Variants in FIGN observed in about 807,000 individuals in gnomAD.
The protein encoded by FIGN is fidgetin, microtubule severing factor.
Under a neutral mutation model 51.3 loss-of-function variants are expected in FIGN, and 11 were observed. The observed-to-expected ratio is 0.21, with a 90% CI of 0.13 to 0.35. The LOEUF is 0.35. FIGN is among the 10% of genes least tolerant of loss of function. FIGN has a pLI of 1.00. For synonymous variants in FIGN, 407 were observed against 363.2 expected (o/e 1.12, Z -1.37); for missense variants, 857 against 943.6 (o/e 0.91, Z 1.20).
At chr2:163,662,359 G>A (rs1486152715) in intron 2 of FIGN, among the ~76,000 whole-genome samples, 1 of 152,182 alleles carries the variant, frequency 6.6e-6, no homozygotes, top group African/African-American at 2.4e-5. Flanking sequence ...CTTGGCTGCT[G>A]TTAAAAGAAT....
At chr2:163,645,512 TG>T (rs1388711677) in intron 2 of FIGN, among the ~76,000 whole-genome samples, 1 of 152,178 alleles carries the variant, frequency 6.6e-6, no homozygotes, top group Non-Finnish European at 1.5e-5. Flanking sequence ...ACAGGTATTA[TG>T]GCTTCTGGGG....
intron 2 of FIGN, among the ~76,000 whole-genome samples, chr2:163,692,821 TA>T (rs1684258685): frequency 6.6e-6 from 1 of 152,210 alleles, no homozygotes; most frequent in African/African-American, 2.4e-5. Flanking sequence ...AAATGAAACC[TA>T]CGACCTCTGT....
At chr2:163,635,521 T>C (rs1386760982) in intron 2 of FIGN, among the ~76,000 whole-genome samples, 1 of 152,166 alleles carries the variant, frequency 6.6e-6, no homozygotes, top group Admixed American at 6.6e-5. Context: ...AGTGAGCTGA[T>C]TGTACTACTG....
At chr2:163,685,928 C>T (rs1352561410) in intron 2 of FIGN, among the ~76,000 whole-genome samples, 1 of 152,080 alleles carries the variant, frequency 6.6e-6, no homozygotes, top group African/African-American at 2.4e-5. Flanking sequence ...CTGAAGACAA[C>T]AATAAATTTT....
In FIGN at chr2:163,609,366, C is replaced by G. The variant is rs565969325; in HGVS notation, c.*186G>C. On this transcript the variant is annotated 3_prime_UTR_variant, in exon 3 of 3. Transcript: ENST00000333129. ...TTTCTGTCATCTGGGGCTTTCAAAT[C>G]AGAAGCTCTCATTTGATGCACTTTT... 92 of 599,324 alleles carry G rather than the reference C, an allele frequency of 1.5e-4. No homozygotes were observed. The Middle Eastern group carries it at 2.6e-3, about 17-fold the overall frequency. 37.1% of individuals were successfully genotyped at this position (599,324 alleles called of 1,614,324 possible).
intron 2 of FIGN, among the ~76,000 whole-genome samples, chr2:163,690,062 TG>T (rs1353497603): frequency 6.6e-6 from 1 of 152,154 alleles, no homozygotes; most frequent in Non-Finnish European, 1.5e-5. Context: ...CCCCCTCAAT[TG>T]TTAAGATACA....
At chr2:163,680,592 A>G (rs975192499) in intron 2 of FIGN, among the ~76,000 whole-genome samples, 2 of 152,064 alleles carry the variant, frequency 1.3e-5, no homozygotes, top group African/African-American at 4.8e-5. Flanking sequence ...TAGTGCTTCC[A>G]TCCTTTTGTT....
intron 2 of FIGN, among the ~76,000 whole-genome samples, chr2:163,698,546 G>A (rs552146047): frequency 2.0e-5 from 3 of 152,086 alleles, no homozygotes; most frequent in Admixed American, 6.5e-5. Flanking sequence ...GAAGTCTCCC[G>A]CCCTGTCACC....
In FIGN at chr2:163,660,820, C is replaced by T. The variant is rs375791742; in HGVS notation, c.26-49014G>A. Reference sequence around the variant, plus strand: ...ATAGATATACATATATATACATATACATATATATGTATACATATATACATA... The same window carrying T: ...ATAGATATACATATATATACATATATATATATATGTATACATATATACATA... On this transcript the variant is annotated intron_variant, in intron 2 of 2. Transcript: ENST00000333129. Among the ~76,000 whole-genome samples the T allele has an allele frequency of 1.2e-3, 50 of 40,458 alleles. 15 individuals are homozygous for T. Among genetic ancestry groups the T allele is most frequent in the Non-Finnish European group, 1.6e-3 (32 of 20,584 alleles). 26.5% of individuals were successfully genotyped at this position (40,458 alleles called of 152,430 possible).
intron 2 of FIGN, among the ~76,000 whole-genome samples, chr2:163,706,791 G>A (rs1684506118): frequency 6.6e-6 from 1 of 152,068 alleles, no homozygotes; most frequent in Non-Finnish European, 1.5e-5. Flanking sequence ...CTTGTTGGCT[G>A]AAATTCTGAC....
chr2:163,662,398 GT>G (rs1194455316), intron 2 of FIGN, among the ~76,000 whole-genome samples: 4 of 152,186 alleles, frequency 2.6e-5, no homozygotes, highest in African/African-American at 9.7e-5. Context: ...CAGCATAAAA[GT>G]TCAGAAAATT....
chr2:163,623,840 CT>C (rs553951319), intron 2 of FIGN, among the ~76,000 whole-genome samples: 192 of 152,108 alleles, frequency 1.3e-3, no homozygotes, highest in African/African-American at 4.4e-3. Context: ...TCATATTTTA[CT>C]TTAGAAATTA....
intron 2 of FIGN, among the ~76,000 whole-genome samples, chr2:163,691,228 C>A (rs1573953350): frequency 6.6e-6 from 1 of 152,160 alleles, no homozygotes; most frequent in East Asian, 1.9e-4. Context: ...AAAACACAGA[C>A]TGCACACTGT....
At chr2:163,669,834 A>G (rs1683847034) in intron 2 of FIGN, among the ~76,000 whole-genome samples, 1 of 152,122 alleles carries the variant, frequency 6.6e-6, no homozygotes, top group South Asian at 2.1e-4. Flanking sequence ...TTCTCTTCTA[A>G]TTGCTGAGGA....
At position 163,604,298 on chromosome 2, in the gene FIGN, C is replaced by T. The variant is rs2105293933; in HGVS notation, c.*5254G>A. 1 of 152,190 alleles carries T rather than the reference C, an allele frequency of 6.6e-6. No individual in the cohort carries two copies. The highest frequency in any genetic ancestry group is 1.9e-4 in the East Asian group (1 of 5,184). The allele number at this position is 152,190 out of a possible 1,614,324, so 9.4% of individuals were successfully genotyped here. A position where few individuals can be genotyped will look rare whatever the true frequency, so the allele number is the denominator to read the frequency against. On this transcript the variant is annotated 3_prime_UTR_variant, in exon 3 of 3. Coordinates refer to ENST00000333129, the MANE Select transcript of FIGN (RefSeq NM_018086.4). ...AGTGTAAAATACTTGGGAATGCTAA[C>T]ACATTTCTCAGAGATGGGCACATAG... is the stretch of plus-strand genomic sequence containing the variant.
intron 2 of FIGN, among the ~76,000 whole-genome samples, chr2:163,613,230 C>T (rs1038237449): frequency 3.3e-5 from 5 of 151,892 alleles, no homozygotes; most frequent in African/African-American, 1.2e-4. Flanking sequence ...TGGTTTAACA[C>T]TTCCTATTCT....
intron 2 of FIGN, chr2:163,617,347 T>A: frequency 2.1e-6 from 1 of 480,944 alleles, no homozygotes; most frequent in Non-Finnish European, 2.7e-6. Flanking sequence ...AAAGATGAAC[T>A]ATGTACAAAG....
chr2:163,652,343 A>AAC (rs1386023406), intron 2 of FIGN, among the ~76,000 whole-genome samples: 1 of 80,846 alleles, frequency 1.2e-5, no homozygotes, highest in African/African-American at 6.3e-5. Flanking sequence ...TCCATTAACC[A>AAC]ACACACACAC....
chr2:163,629,602 C>A (rs540181637), intron 2 of FIGN, among the ~76,000 whole-genome samples: 92 of 152,126 alleles, frequency 6.0e-4, no homozygotes, highest in Non-Finnish European at 9.0e-4. Flanking sequence ...CAGGCCAAAT[C>A]CAGTGTGATA....
Sources: gnomAD v4.1 joint callset for allele counts (sites outside exome capture counted in the v4.1 genomes callset) on GRCh38, gnomAD v4.1.1 for gene constraint, MANE v1.5 for transcripts, NCBI Gene and HGNC (gene_info 2026-07-23, HGNC 2026-07-21) for gene names.